The following PCDHB12 variants were observed in gnomAD, a reference collection of about 807,000 sequenced individuals.
The protein encoded by PCDHB12 is protocadherin beta-12.
For synonymous variants in PCDHB12, 560 were observed against 445.2 expected, an observed-to-expected ratio of 1.26 and a Z score of -3.24; for missense variants, 1,192 against 998.2, an observed-to-expected ratio of 1.19 and a Z score of -2.62.
rs372199144 is a variant in PCDHB12 at position 141,210,682 on chromosome 5, T to C, written c.1775T>C (p.Val592Ala). ...PGYLVTKVVA[V>A]DGDSGQNAWL... ...TACCTGGTGACCAAGGTGGTGGCGG[T>C]GGACGGTGACTCGGGCCAGAACGCC... Residue 592 changes from valine (V) to alanine (A), a missense_variant, in exon 1 of 1, where the codon GTG becomes GCG. Physicochemically the swap from Val to Ala is moderately conservative, Grantham distance 64. Transcript: ENST00000239450. 122 of 1,610,474 alleles carry C rather than the reference T, an allele frequency of 7.6e-5. 1 individual carries two copies. In the South Asian group the frequency reaches 9.5e-4, roughly 12 times the overall value.
chr5:141,209,347 C>A lies in PCDHB12; in HGVS notation c.440C>A (p.Pro147His), dbSNP rs782631623. Residue 147 changes from proline (P) to histidine (H), a missense_variant, in exon 1 of 1, where the codon CCT (proline) becomes CAT (histidine). Physicochemically the swap from Pro to His is moderately conservative, Grantham distance 77 (BLOSUM62 -2). Transcript: ENST00000239450. ...CTCTTAGAAATCCCAGAGAACAGTC[C>A]TGTTGGTGCTGTGTTCTTGCTTGAA... Reference protein sequence around the residue: ...EMLLEIPENSPVGAVFLLESA... With the variant: ...EMLLEIPENSHVGAVFLLESA... 1.2e-6 allele frequency: 2 copies of A among 1,614,196 alleles called. No individual in the cohort carries two copies.
Position 141,210,614 on chromosome 5 carries a change from C to T in PCDHB12, c.1707C>T (p.Ser569=), listed in dbSNP as rs782414907. 1 of 1,611,256 alleles carries T rather than the reference C, an allele frequency of 6.2e-7. No homozygotes were observed. Among genetic ancestry groups the T allele is most frequent in the Non-Finnish European group, 8.5e-7 (1 of 1,179,752 alleles). ...TGCTGTACCCGCTGCAGAACGGCTC[C>T]GCGCCCTGCACCGAGCTGGTGCCCT... is the stretch of plus-strand genomic sequence containing the variant. ...PFVLYPLQNG[S]APCTELVPWA... is the part of the protein sequence containing the mutation. Residue 569 remains serine (S), a synonymous_variant, in exon 1 of 1, where the codon TCC becomes TCT. Transcript: ENST00000239450.
Position 141,209,572 on chromosome 5 carries a change from G to C in PCDHB12, c.665G>C (p.Arg222Thr). 6.2e-7 allele frequency: 1 copy of C among 1,614,162 alleles called. No individual in the cohort carries two copies. Among genetic ancestry groups the C allele is most frequent in the Non-Finnish European group, 8.5e-7 (1 of 1,180,040 alleles). Residue 222 changes from arginine to threonine, a missense_variant, in exon 1 of 1, where the codon AGG becomes ACG. Coordinates refer to ENST00000239450, the MANE Select transcript of PCDHB12 (RefSeq NM_018932.4). ...GCTCTGGATGGCGGGTCCCCTCCCA[G>C]GTCTGGAACTGCCTTGGTCAGGGTG... ...LTALDGGSPP[R>T]SGTALVRVVV...
Position 141,210,980 on chromosome 5 carries a change from G to A in PCDHB12, c.2073G>A (p.Val691=), listed in dbSNP as rs17854367. The change falls in exon 1 of 1, where the codon GTG becomes GTA. Residue 691 remains valine (V), a synonymous_variant. Transcript: ENST00000239450. ...CCGACTCGCTCACTGTCTACCTGGT[G>A]GTGGCGTTGGCCTCAGTGTCGTCGC... is the stretch of plus-strand genomic sequence containing the variant. ...AQADSLTVYL[V]VALASVSSLF... 6,919 of 1,611,850 alleles carry A rather than the reference G, an allele frequency of 4.3e-3. 30 individuals are homozygous for A. Among genetic ancestry groups the A allele is most frequent in the Non-Finnish European group, 4.9e-3 (5,733 of 1,179,810 alleles).
Position 141,210,573 on chromosome 5 carries a change from G to C in PCDHB12, c.1666G>C (p.Asp556His). 6.2e-7 allele frequency: 1 copy of C among 1,611,674 alleles called. No homozygotes were observed. Among genetic ancestry groups the C allele is most frequent in the Non-Finnish European group, 8.5e-7 (1 of 1,179,740 alleles). The change falls in exon 1 of 1, where the codon GAC becomes CAC. Residue 556 changes from aspartate to histidine, a missense_variant. Coordinates refer to ENST00000239450, the MANE Select transcript of PCDHB12 (RefSeq NM_018932.4). ...LVRVLVLDAN[D>H]NSPFVLYPLQ... is the part of the protein sequence containing the mutation. ...GCGCGTGCTGGTGCTGGACGCCAACGACAACTCGCCCTTCGTGCTGTACCC... is the reference window on the plus strand; with the variant it reads ...GCGCGTGCTGGTGCTGGACGCCAACCACAACTCGCCCTTCGTGCTGTACCC...
rs1554286845 is a variant in PCDHB12, at chr5:141,210,209, G to A, written c.1302G>A (p.Glu434=). 1 of 1,614,180 alleles carries A rather than the reference G, an allele frequency of 6.2e-7. No homozygotes were observed. The highest frequency in any genetic ancestry group is 8.5e-7 in the Non-Finnish European group (1 of 1,180,042). ...TDLGTPRLKT[E]HNITVLVSDV... is the part of the protein sequence containing the mutation. ...TGGGGACCCCCAGGCTAAAAACCGA[G>A]CACAACATAACCGTGCTGGTCTCCG... Residue 434 remains glutamate, a synonymous_variant, in exon 1 of 1, where the codon GAG becomes GAA. Transcript: ENST00000239450.
chr5:141,209,203 A>G lies in PCDHB12; in HGVS notation c.296A>G (p.Asn99Ser), dbSNP rs1754370042. The change falls in exon 1 of 1, where the codon AAT becomes AGT. Residue 99 changes from asparagine to serine, a missense_variant. By Grantham distance (46) the Asn-to-Ser change is conservative (BLOSUM62 1). Transcript: ENST00000239450. Reference protein sequence around the residue: ...MLDREELCGSNEPCVLYFQVL... With the variant: ...MLDREELCGSSEPCVLYFQVL... The stretch of plus-strand genomic sequence containing the variant: ...GACAGGGAGGAGCTCTGTGGCTCCA[A>G]TGAGCCTTGTGTGCTGTATTTCCAA... 1 of 1,614,196 alleles carries G rather than the reference A, an allele frequency of 6.2e-7. No individual in the cohort carries two copies. The highest frequency in any genetic ancestry group is 8.5e-7 in the Non-Finnish European group (1 of 1,180,034).
chr5:141,211,170 G>T lies in PCDHB12; in HGVS notation c.2263G>T (p.Val755Leu). The change falls in exon 1 of 1, where the codon GTG (valine) becomes TTG (leucine). Residue 755 changes from valine (V) to leucine (L), a missense_variant. Val to Leu is a conservative substitution (Grantham distance 32, BLOSUM62 1). Transcript: ENST00000239450. ...CCAGAGCTACCACTATGAGGTGTGT[G>T]TGACTGGAGGCTCCAGGTCAAATAA... ...LSQSYHYEVCVTGGSRSNKFK... is the reference protein window; with the variant it reads ...LSQSYHYEVCLTGGSRSNKFK... 1.2e-6 allele frequency: 2 copies of T among 1,614,208 alleles called. No homozygotes were observed. Among genetic ancestry groups the T allele is most frequent in the Non-Finnish European group, 1.7e-6 (2 of 1,180,024 alleles).
At position 141,208,993 on chromosome 5, in the gene PCDHB12, A is replaced by C. The variant is rs551312672; in HGVS notation, c.86A>C (p.Glu29Ala). The C allele has an allele frequency of 2.5e-5, 40 of 1,601,848 alleles. No individual in the cohort carries two copies. The Middle Eastern group carries it at 1.0e-3, about 40-fold the overall frequency. ...CTGGGAATGTCTCAGGCGGGCTCTG[A>C]AACTGGGAACTTTTTGGTGATGGAG... ...VLLGMSQAGSETGNFLVMEEL... is the reference protein window; with the variant it reads ...VLLGMSQAGSATGNFLVMEEL... The change falls in exon 1 of 1, where the codon GAA becomes GCA. Residue 29 changes from glutamate to alanine, a missense_variant. Transcript: ENST00000239450.
rs782301487 is a variant in PCDHB12 at position 141,209,249 on chromosome 5, G to A, written c.342G>A (p.Thr114=). The A allele has an allele frequency of 6.2e-6, 10 of 1,614,162 alleles. No homozygotes were observed. In the South Asian group the frequency reaches 9.9e-5, roughly 16 times the overall value. The change falls in exon 1 of 1, where the codon ACG becomes ACA. Residue 114 remains threonine, a synonymous_variant. Transcript: ENST00000239450. ...TCCAAGTGTTAATGAAAAACCCCAC[G>A]CAGTTTTTACAAATTGAGCTCCAGG... The part of the protein sequence containing the change: ...LYFQVLMKNP[T]QFLQIELQVR...
chr5:141,209,828 G>A lies in PCDHB12; in HGVS notation c.921G>A (p.Leu307=). 1 of 1,614,150 alleles carries A rather than the reference G, an allele frequency of 6.2e-7. No individual in the cohort carries two copies. Among genetic ancestry groups the A allele is most frequent in the Non-Finnish European group, 8.5e-7 (1 of 1,180,028 alleles). ...KSGDITLTAP[L]DFEAIESYSI... ...GTGACATTACTTTAACAGCACCTTT[G>A]GATTTTGAAGCAATTGAGTCATACT... Residue 307 remains leucine, a synonymous_variant, in exon 1 of 1, where the codon TTG becomes TTA. Transcript: ENST00000239450.
In PCDHB12 at chr5:141,209,301, G is replaced by A. The variant is rs1754373244; in HGVS notation, c.394G>A (p.Val132Ile). The change falls in exon 1 of 1, where the codon GTC becomes ATC. Residue 132 changes from valine to isoleucine, a missense_variant. Transcript: ENST00000239450. Reference protein sequence around the residue: ...QVRDINDHSPVFLEKEMLLEI... With the variant: ...QVRDINDHSPIFLEKEMLLEI... ...CAGGGATATAAATGATCACTCTCCCGTCTTCTTGGAAAAAGAAATGCTCTT... is the reference window on the plus strand; with the variant it reads ...CAGGGATATAAATGATCACTCTCCCATCTTCTTGGAAAAAGAAATGCTCTT... 3.7e-6 allele frequency: 6 copies of A among 1,614,022 alleles called. No individual in the cohort carries two copies. The highest frequency in any genetic ancestry group is 1.7e-5 in the Admixed American group (1 of 59,996).
In PCDHB12 at chr5:141,209,697, G is replaced by C; in HGVS notation, c.790G>C (p.Val264Leu). 1 of 1,614,204 alleles carries C rather than the reference G, an allele frequency of 6.2e-7. No individual in the cohort carries two copies. Among genetic ancestry groups the C allele is most frequent in the Non-Finnish European group, 8.5e-7 (1 of 1,180,042 alleles). The change falls in exon 1 of 1, where the codon GTC becomes CTC. Residue 264 changes from valine to leucine, a missense_variant. Val to Leu is a conservative substitution (Grantham distance 32). Coordinates refer to ENST00000239450, the MANE Select transcript of PCDHB12 (RefSeq NM_018932.4). ...NSILGSLVVT[V>L]SAWDLDSGTN... Reference sequence around the variant, plus strand: ...CATCCTTGGCTCCCTGGTTGTGACCGTCTCAGCCTGGGATTTAGACTCTGG... The same window carrying C: ...CATCCTTGGCTCCCTGGTTGTGACCCTCTCAGCCTGGGATTTAGACTCTGG...
Position 141,210,327 on chromosome 5 carries a change from A to G in PCDHB12, c.1420A>G (p.Ser474Gly). ...NSPALHIGSI[S>G]ATDRDSGTNA... ...CCCCGCCCTGCACATCGGCAGCATC[A>G]GCGCCACAGACAGAGACTCGGGCAC... The change falls in exon 1 of 1, where the codon AGC (serine) becomes GGC (glycine). Residue 474 changes from serine to glycine, a missense_variant. Transcript: ENST00000239450. The G allele has an allele frequency of 6.2e-7, 1 of 1,613,184 alleles. No individual in the cohort carries two copies. The highest frequency in any genetic ancestry group is 1.1e-5 in the South Asian group (1 of 91,024).
rs1490154627 is a variant in PCDHB12, at chr5:141,211,815, G to C, written c.*520G>C. ...TTAGAGATTCAGTAAGTTCACTAAG[G>C]TCCACTAACTAATAAGTGACAAAAC... On this transcript the variant is annotated 3_prime_UTR_variant, in exon 1 of 1. Coordinates refer to ENST00000239450, the MANE Select transcript of PCDHB12 (RefSeq NM_018932.4). 2 of 177,416 alleles carry C rather than the reference G, an allele frequency of 1.1e-5. No homozygotes were observed. The highest frequency in any genetic ancestry group is 4.8e-5 in the African/African-American group (2 of 41,400). The allele number at this position is 177,416 out of a possible 1,614,324, so 11.0% of individuals were successfully genotyped here.
In PCDHB12 at chr5:141,209,353, G is replaced by C; in HGVS notation, c.446G>C (p.Gly149Ala). Reference sequence around the variant, plus strand: ...GAAATCCCAGAGAACAGTCCTGTTGGTGCTGTGTTCTTGCTTGAAAGTGCA... The same window carrying C: ...GAAATCCCAGAGAACAGTCCTGTTGCTGCTGTGTTCTTGCTTGAAAGTGCA... Reference protein sequence around the residue: ...LLEIPENSPVGAVFLLESAKD... With the variant: ...LLEIPENSPVAAVFLLESAKD... Residue 149 changes from glycine (G) to alanine (A), a missense_variant, in exon 1 of 1, where the codon GGT becomes GCT. By Grantham distance (60) the Gly-to-Ala change is moderately conservative. Coordinates refer to ENST00000239450, the MANE Select transcript of PCDHB12 (RefSeq NM_018932.4). 2 of 1,614,214 alleles carry C rather than the reference G, an allele frequency of 1.2e-6. No individual in the cohort carries two copies. Among genetic ancestry groups the C allele is most frequent in the Non-Finnish European group, 1.7e-6 (2 of 1,180,038 alleles).
At position 141,210,336 on chromosome 5, in the gene PCDHB12, G is replaced by T. The variant is rs782290598; in HGVS notation, c.1429G>T (p.Asp477Tyr). 2 of 1,613,170 alleles carry T rather than the reference G, an allele frequency of 1.2e-6. No individual in the cohort carries two copies. The highest frequency in any genetic ancestry group is 2.2e-5 in the South Asian group (2 of 91,030). ...GCACATCGGCAGCATCAGCGCCACA[G>T]ACAGAGACTCGGGCACCAACGCCCA... is the stretch of plus-strand genomic sequence containing the variant. ...ALHIGSISAT[D>Y]RDSGTNAQVN... Residue 477 changes from aspartate (D) to tyrosine (Y), a missense_variant, in exon 1 of 1, where the codon GAC (aspartate) becomes TAC (tyrosine). Asp to Tyr is a radical substitution (Grantham distance 160). Transcript: ENST00000239450.
At position 141,209,369 on chromosome 5, in the gene PCDHB12, T is replaced by C. The variant is rs1721199414; in HGVS notation, c.462T>C (p.Leu154=). Residue 154 remains leucine (L), a synonymous_variant, in exon 1 of 1, where the codon CTT becomes CTC. Coordinates refer to ENST00000239450, the MANE Select transcript of PCDHB12 (RefSeq NM_018932.4). ...ENSPVGAVFL[L]ESAKDLDVGI... is the part of the protein sequence containing the mutation. Reference sequence around the variant, plus strand: ...GTCCTGTTGGTGCTGTGTTCTTGCTTGAAAGTGCAAAGGATTTAGATGTAG... The same window carrying C: ...GTCCTGTTGGTGCTGTGTTCTTGCTCGAAAGTGCAAAGGATTTAGATGTAG... 2.5e-6 allele frequency: 4 copies of C among 1,614,188 alleles called. No homozygotes were observed. The highest frequency in any genetic ancestry group is 2.7e-5 in the African/African-American group (2 of 75,040).
rs1588386290 is a variant in PCDHB12 at position 141,209,933 on chromosome 5, C to T, written c.1026C>T (p.Asp342=). The change falls in exon 1 of 1, where the codon GAC becomes GAT. Residue 342 remains aspartate, a synonymous_variant. Transcript: ENST00000239450. ...GAATTCAGGTGATGGATGTAAACGA[C>T]AACGCTCCTGAAATCACTGTGTCAT... is the stretch of plus-strand genomic sequence containing the variant. ...TVRIQVMDVN[D]NAPEITVSSI... is the part of the protein sequence containing the mutation. 6.2e-6 allele frequency: 10 copies of T among 1,614,050 alleles called. No individual in the cohort carries two copies. In the East Asian group the frequency reaches 1.6e-4, roughly 25 times the overall value.
Sources: gnomAD v4.1 joint callset for allele counts on GRCh38, gnomAD v4.1.1 for gene constraint, MANE v1.5 for transcripts, NCBI Gene and HGNC (gene_info 2026-07-23, HGNC 2026-07-21) for gene names.